The following NSUN3 variants were observed in gnomAD, a reference collection of about 807,000 sequenced individuals.
NSUN3 encodes NOP2/Sun RNA methyltransferase 3.
Under a neutral mutation model 36.8 loss-of-function variants are expected in NSUN3, and 24 were observed. That is an observed-to-expected ratio of 0.65 (90% CI 0.47 to 0.92). The LOEUF is 0.92. Ranked by LOEUF, NSUN3 falls within the 40% of genes least tolerant of loss-of-function variation. NSUN3 has a pLI of 0.00. For synonymous variants in NSUN3, 146 were observed against 145.2 expected, an observed-to-expected ratio of 1.01 and a Z score of -0.04; for missense variants, 381 against 392.8, an observed-to-expected ratio of 0.97 and a Z score of 0.25.
chr3:94,078,703 A>G (rs1434388928), intron 2 of NSUN3, among the ~76,000 whole-genome samples: 2 of 151,576 alleles, frequency 1.3e-5, no homozygotes, highest in Admixed American at 6.6e-5. Flanking sequence ...GCCCTTGTCT[A>G]TTTTGATCTT....
At chr3:94,083,105 CTT>C (rs35424977) in intron 2 of NSUN3, among the ~76,000 whole-genome samples, 121 of 132,044 alleles carry the variant, frequency 9.2e-4, no homozygotes, top group African/African-American at 3.0e-3. Flanking sequence ...GGCAGGCTGC[CTT>C]TTTTTTTTTT....
intron 2 of NSUN3, among the ~76,000 whole-genome samples, chr3:94,079,329 G>GA (rs1267514758): frequency 6.6e-6 from 1 of 152,128 alleles, no homozygotes; most frequent in African/African-American, 2.4e-5. Context: ...CTTTGTGGGT[G>GA]ACCCAACCTT....
Position 94,076,159 on chromosome 3 carries a change from C to G in NSUN3, c.123-7948C>G. 3 of 1,187,630 alleles carry G rather than the reference C, an allele frequency of 2.5e-6. No individual in the cohort carries two copies. In the Admixed American group the frequency reaches 5.0e-5, roughly 20 times the overall value. The allele number at this position is 1,187,630 out of a possible 1,614,324, so 73.6% of individuals were successfully genotyped here. ...CAATTTTACTTAAATCCTAGACATT[C>G]AGTCTGCGATCAGTACCACTGGAAG... On this transcript the variant is annotated intron_variant, in intron 2 of 5. Transcript: ENST00000314622.
At chr3:94,123,210 C>T (rs936424873) in intron 5 of NSUN3, among the ~76,000 whole-genome samples, 21 of 152,180 alleles carry the variant, frequency 1.4e-4, no homozygotes, top group African/African-American at 4.3e-4. Flanking sequence ...TTCCAGGCCT[C>T]CCACGCAGCT....
chr3:94,088,980 TTA>T (rs772527469), intron 3 of NSUN3, among the ~76,000 whole-genome samples: 5 of 152,118 alleles, frequency 3.3e-5, no homozygotes, highest in African/African-American at 9.7e-5. Flanking sequence ...AGATTATTAT[TTA>T]TCTTTGTGTC....
rs747083238 is a variant in NSUN3, at chr3:94,094,250, G to T, written c.577G>T (p.Asp193Tyr). 6.2e-7 allele frequency: 1 copy of T among 1,613,140 alleles called. No individual in the cohort carries two copies. Among genetic ancestry groups the T allele is most frequent in the South Asian group, 1.1e-5 (1 of 90,752 alleles). The change falls in exon 4 of 6, where the codon GAT becomes TAT. Residue 193 changes from aspartate (D) to tyrosine (Y), a missense_variant. Asp to Tyr is a radical substitution (Grantham distance 160). Transcript: ENST00000314622. ...LINVIKVSEL[D>Y]GRKMGDAQPE... is the part of the protein sequence containing the mutation. ...AAATGTAATTAAAGTGTCTGAATTG[G>T]ATGGCAGAAAAATGGGAGATGCCCA...
At position 94,130,675 on chromosome 3, in the gene NSUN3, G is replaced by A. The variant is rs546770559; in HGVS notation, c.*4185G>A. On this transcript the variant is annotated 3_prime_UTR_variant, in exon 6 of 6. Coordinates refer to ENST00000314622, the MANE Select transcript of NSUN3 (RefSeq NM_022072.5). ...GAACGTGAATGTTCCAAGGGACTTC[G>A]GCCTCTGGGGCTTCCACACTCTGGG... Among the ~76,000 whole-genome samples the A allele has an allele frequency of 5.3e-5, 8 of 152,186 alleles. No homozygotes were observed. Among genetic ancestry groups the A allele is most frequent in the South Asian group, 2.1e-4 (1 of 4,826 alleles).
At chr3:94,090,406 G>C (rs575870181) in intron 3 of NSUN3, among the ~76,000 whole-genome samples, 2 of 152,218 alleles carry the variant, frequency 1.3e-5, no homozygotes, top group South Asian at 4.1e-4. Flanking sequence ...ATGCTGACTT[G>C]AGAATCTTGA....
intron 5 of NSUN3, among the ~76,000 whole-genome samples, chr3:94,109,110 A>G (rs1398923784): frequency 6.6e-6 from 1 of 152,258 alleles, no homozygotes; most frequent in Non-Finnish European, 1.5e-5. Context: ...GAGAAATTCC[A>G]TGGAGAATCA....
chr3:94,127,952 G>A lies in NSUN3; in HGVS notation c.*1462G>A, dbSNP rs1401892989. The A allele has an allele frequency of 6.6e-6, 1 of 152,104 alleles. No homozygotes were observed. Among genetic ancestry groups the A allele is most frequent in the African/African-American group, 2.4e-5 (1 of 41,390 alleles). 9.4% of individuals were successfully genotyped at this position (152,104 alleles called of 1,614,324 possible). ...AGTAAAGCTAAAGTCCAGGCACGGT[G>A]GCTTATGCCTGTAATCCCAGCACTT... On this transcript the variant is annotated 3_prime_UTR_variant, in exon 6 of 6. Coordinates refer to ENST00000314622, the MANE Select transcript of NSUN3 (RefSeq NM_022072.5).
At chr3:94,114,697 C>T (rs894091385) in intron 5 of NSUN3, among the ~76,000 whole-genome samples, 2 of 152,118 alleles carry the variant, frequency 1.3e-5, no homozygotes, top group Non-Finnish European at 2.9e-5. Flanking sequence ...GTTTGGGATA[C>T]GATTGATCCC....
intron 2 of NSUN3, among the ~76,000 whole-genome samples, chr3:94,072,316 C>T (rs184766090): frequency 1.3e-4 from 20 of 152,250 alleles, no homozygotes; most frequent in African/African-American, 4.6e-4. Flanking sequence ...GATACTTCTG[C>T]GTACTAGCAA....
chr3:94,088,384 A>G (rs1361962406), intron 3 of NSUN3, among the ~76,000 whole-genome samples: 1 of 152,090 alleles, frequency 6.6e-6, no homozygotes, highest in African/African-American at 2.4e-5. Context: ...ATCCTCATAT[A>G]TAAATCTTTC....
intron 3 of NSUN3, among the ~76,000 whole-genome samples, chr3:94,091,232 G>A (rs1402921196): frequency 6.6e-6 from 1 of 152,124 alleles, no homozygotes; most frequent in East Asian, 1.9e-4. Context: ...AGGAACGATG[G>A]ACAGAGGGTT....
intron 5 of NSUN3, among the ~76,000 whole-genome samples, chr3:94,100,083 T>C (rs896663091): frequency 7.2e-5 from 11 of 152,152 alleles, no homozygotes; most frequent in Non-Finnish European, 1.2e-4. Context: ...CAAAGAGCAA[T>C]TGGAATGCAG....
intron 2 of NSUN3, chr3:94,076,752 T>C: frequency 6.8e-7 from 1 of 1,472,162 alleles, no homozygotes; most frequent in South Asian, 1.1e-5. Context: ...GTCTTTGTTG[T>C]GATAATACAA....
intron 5 of NSUN3, among the ~76,000 whole-genome samples, chr3:94,111,549 T>C (rs2077417690): frequency 6.6e-6 from 1 of 152,168 alleles, no homozygotes; most frequent in African/African-American, 2.4e-5. Flanking sequence ...TTTATATCCT[T>C]ATTCTATAAG....
At chr3:94,076,652 C>A in intron 2 of NSUN3, 1 of 1,055,488 alleles carries the variant, frequency 9.5e-7, no homozygotes, top group South Asian at 1.3e-5. Context: ...TTTCTGATGT[C>A]CATGGAGACG....
Position 94,128,343 on chromosome 3 carries a change from T to C in NSUN3, c.*1853T>C, listed in dbSNP as rs1178908861. 6.6e-6 allele frequency: 1 copy of C among 152,124 alleles called. No homozygotes were observed. The highest frequency in any genetic ancestry group is 2.4e-5 in the African/African-American group (1 of 41,446). 9.4% of individuals were successfully genotyped at this position (152,124 alleles called of 1,614,324 possible). On this transcript the variant is annotated 3_prime_UTR_variant, in exon 6 of 6. Coordinates refer to ENST00000314622, the MANE Select transcript of NSUN3 (RefSeq NM_022072.5). ...GATGGTGGAAAAGATGTTTTCTTTT[T>C]TAAGTTATCATTATTAGTTTGTTTT...
Sources: allele counts gnomAD v4.1 joint callset (sites outside exome capture counted in the v4.1 genomes callset), GRCh38; gene constraint gnomAD v4.1.1; transcripts MANE v1.5; gene names NCBI Gene and HGNC (gene_info 2026-07-23, HGNC 2026-07-21).